The following CCAR1 variants were observed in gnomAD, a reference collection of about 807,000 sequenced individuals.
CCAR1 encodes the protein cell division cycle and apoptosis regulator 1.
Under a neutral mutation model 163.8 loss-of-function variants are expected in CCAR1, and 78 were observed. That is an observed-to-expected ratio of 0.48 (90% CI 0.40 to 0.57). The LOEUF is 0.57. Among genes scored for constraint, CCAR1 ranks in the 20% least tolerant of loss-of-function variants. CCAR1 has a pLI of 0.00. For synonymous variants in CCAR1, 443 were observed against 460.7 expected (o/e 0.96, Z 0.49); for missense variants, 1,019 against 1,365.2 (o/e 0.75, Z 4.00).
chr10:68,752,887 GATAGATA>G (rs2056349816), intron 10 of CCAR1, among the ~76,000 whole-genome samples: 1 of 29,192 alleles, frequency 3.4e-5, no homozygotes, highest in Non-Finnish European at 7.5e-5. Context: ...GGATAGAATA[GATAGATA>G]GATAGATAGA....
At chr10:68,770,873 C>T (rs534865402) in intron 17 of CCAR1, among the ~76,000 whole-genome samples, 31 of 152,270 alleles carry the variant, frequency 2.0e-4, no homozygotes, top group African/African-American at 6.7e-4. Context: ...GTCAGGAGAT[C>T]GAGACCATCC....
At chr10:68,786,936 T>C in intron 21 of CCAR1, 1 of 302,182 alleles carries the variant, frequency 3.3e-6, no homozygotes, top group Non-Finnish European at 6.1e-6. Context: ...AATGCAAAAA[T>C]TAGCTGGGTG....
intron 19 of CCAR1, among the ~76,000 whole-genome samples, chr10:68,778,463 C>T (rs1461320272): frequency 6.6e-6 from 1 of 151,808 alleles, no homozygotes; most frequent in East Asian, 1.9e-4. Flanking sequence ...CTGCTGTGCC[C>T]CCTACTTTAT....
At chr10:68,743,981 C>T (rs1453036386) in intron 6 of CCAR1, among the ~76,000 whole-genome samples, 1 of 152,116 alleles carries the variant, frequency 6.6e-6, no homozygotes, top group African/African-American at 2.4e-5. Flanking sequence ...AAACTCCTGA[C>T]CTCGTCATCC....
rs892385729 is a variant in CCAR1 at position 68,756,096 on chromosome 10, T to C, written c.1626-177T>C. On this transcript the variant is annotated intron_variant, in intron 13 of 24. Coordinates refer to ENST00000265872, the MANE Select transcript of CCAR1 (RefSeq NM_018237.4). This position sits in a 1 kb window ranked among gnomAD's most constrained non-coding sequence, Gnocchi z 5.1. ...GGGAACATATTCTTCCTTTAACTTATTAAATATTGTACAAATGTACCAAAA... is the reference window on the plus strand; with the variant it reads ...GGGAACATATTCTTCCTTTAACTTACTAAATATTGTACAAATGTACCAAAA... Among the ~76,000 whole-genome samples, 1 of 152,186 alleles carries C rather than the reference T, an allele frequency of 6.6e-6. No homozygotes were observed. The highest frequency in any genetic ancestry group is 1.5e-5 in the Non-Finnish European group (1 of 68,036).
At chr10:68,769,092 G>A (rs928915423) in intron 17 of CCAR1, among the ~76,000 whole-genome samples, 4 of 152,072 alleles carry the variant, frequency 2.6e-5, no homozygotes, top group South Asian at 4.2e-4. Flanking sequence ...CTCCTGCCTC[G>A]ACGTCCCGAG....
intron 2 of CCAR1, 83 bp from the exon 3 acceptor site, chr10:68,736,793 T>C: frequency 8.5e-7 from 1 of 1,175,362 alleles, no homozygotes; most frequent in South Asian, 1.5e-5. Flanking sequence ...GGGGTGCGGG[T>C]ATCTCTTCTA....
At chr10:68,785,247 G>A (rs1409430555) in intron 19 of CCAR1, among the ~76,000 whole-genome samples, 1 of 148,738 alleles carries the variant, frequency 6.7e-6, no homozygotes, top group Non-Finnish European at 1.5e-5. Context: ...TTGAGACAGG[G>A]TCTCGCTTTG....
intron 16 of CCAR1, among the ~76,000 whole-genome samples, chr10:68,765,285 A>T (rs1460536589): frequency 2.0e-5 from 3 of 151,446 alleles, no homozygotes; most frequent in Non-Finnish European, 4.4e-5. Flanking sequence ...TTCTCCACTC[A>T]CTCTCTTGTA....
chr10:68,765,765 G>A (rs2133386462), intron 16 of CCAR1, 123 bp from the exon 17 acceptor site: 1 of 658,516 alleles, frequency 1.5e-6, no homozygotes, highest in Non-Finnish European at 2.5e-6. Flanking sequence ...TAAGTACCAT[G>A]AAGAGTCATG....
intron 19 of CCAR1, among the ~76,000 whole-genome samples, chr10:68,777,907 C>G (rs1166649304): frequency 6.6e-6 from 1 of 151,426 alleles, no homozygotes; most frequent in South Asian, 2.1e-4. Context: ...ACTCCAGCCT[C>G]GACAATAAAG....
intron 1 of CCAR1, 22 bp downstream of exon 1, chr10:68,721,304 T>C (rs1053074963): frequency 9.3e-6 from 2 of 214,568 alleles, no homozygotes; most frequent in Non-Finnish European, 2.0e-5. Context: ...GTCCCCGTAG[T>C]TGGAGCAGTG....
At chr10:68,782,978 CAG>C (rs1246926881) in intron 19 of CCAR1, among the ~76,000 whole-genome samples, 6 of 148,784 alleles carry the variant, frequency 4.0e-5, no homozygotes, top group South Asian at 2.1e-4. Context: ...GCCCTTGGAT[CAG>C]AGAGTAATTT....
At chr10:68,733,434 A>G (rs1203255237) in intron 2 of CCAR1, among the ~76,000 whole-genome samples, 1 of 152,058 alleles carries the variant, frequency 6.6e-6, no homozygotes, top group Non-Finnish European at 1.5e-5. Flanking sequence ...AGAGAAAATG[A>G]AAAACTTGGT....
Position 68,786,559 on chromosome 10 carries a change from C to G in CCAR1, c.2747C>G (p.Thr916Ser). 13 of 1,563,680 alleles carry G rather than the reference C, an allele frequency of 8.3e-6. No homozygotes were observed. Among genetic ancestry groups the G allele is most frequent in the Non-Finnish European group, 1.1e-5 (13 of 1,159,930 alleles). Residue 916 changes from threonine (T) to serine (S), a missense_variant, in exon 21 of 25, where the codon ACT (threonine) becomes AGT (serine). Thr to Ser is a moderately conservative substitution (Grantham distance 58). Around this residue, in one of 4 missense-constraint regions of CCAR1, gnomAD observed 358 missense variants for 406.4 expected, o/e 0.88. Coordinates refer to ENST00000265872, the MANE Select transcript of CCAR1 (RefSeq NM_018237.4). ...CCATTTTCTTAGGAAAAAGAAAAGA[C>G]TCAAATGATCACAATTAACAGAGAT... is the stretch of plus-strand genomic sequence containing the variant. ...RPSKDKEKEK[T>S]QMITINRDLL...
At chr10:68,728,800 C>T (rs552490429) in intron 2 of CCAR1, among the ~76,000 whole-genome samples, 41 of 152,156 alleles carry the variant, frequency 2.7e-4, no homozygotes, top group African/African-American at 8.9e-4. Context: ...ACTAAAAATA[C>T]AAAAATAAGC....
At position 68,786,536 on chromosome 10, in the gene CCAR1, A is replaced by G. The variant is rs759674062; in HGVS notation, c.2734-10A>G. The G allele has an allele frequency of 2.3e-5, 36 of 1,548,830 alleles. 1 individual carries two copies. In the Middle Eastern group the frequency reaches 8.6e-4, roughly 37 times the overall value. ...TGAATACTATGTTTTCTACTTCTCC[A>G]TTTTCTTAGGAAAAAGAAAAGACTC... On this transcript the variant is annotated splice_polypyrimidine_tract_variant and intron_variant, in intron 20 of 24. Transcript: ENST00000265872.
At position 68,772,973 on chromosome 10, in the gene CCAR1, C is replaced by T. The variant is rs2056621758; in HGVS notation, c.2539-15C>T. The T allele has an allele frequency of 8.2e-7, 1 of 1,217,410 alleles. No homozygotes were observed. Among genetic ancestry groups the T allele is most frequent in the Non-Finnish European group, 1.2e-6 (1 of 860,816 alleles). 75.4% of individuals were successfully genotyped at this position (1,217,410 alleles called of 1,614,324 possible). A position where few individuals can be genotyped will look rare whatever the true frequency, so the allele number is the denominator to read the frequency against. ...AAAATAAGTAAATAAATAATAAAGG[C>T]ATTTTAAATTATAGAAAGAAGATAA... On this transcript the variant is annotated splice_polypyrimidine_tract_variant and intron_variant, in intron 18 of 24. Coordinates refer to ENST00000265872, the MANE Select transcript of CCAR1 (RefSeq NM_018237.4).
chr10:68,768,942 G>T (rs932735031), intron 17 of CCAR1, among the ~76,000 whole-genome samples: 1 of 152,144 alleles, frequency 6.6e-6, no homozygotes, highest in Non-Finnish European at 1.5e-5. Flanking sequence ...GATTTGCAAA[G>T]ATGACACATT....
Sources: gnomAD v4.1 joint callset for allele counts (sites outside exome capture counted in the v4.1 genomes callset) on GRCh38, gnomAD v4.1.1 for gene constraint, gnomAD v4.1.1 regional missense constraint, Gnocchi (gnomAD v3.1) non-coding constraint, MANE v1.5 for transcripts, NCBI Gene and HGNC (gene_info 2026-07-23, HGNC 2026-07-21) for gene names.